EDA2R: variants seen among roughly 807,000 people sequenced by gnomAD.
EDA2R encodes the protein ectodysplasin A2 receptor.
In EDA2R, 26 loss-of-function variants were observed where a neutral mutation model predicts 20.1. That is an observed-to-expected ratio of 1.30 (90% CI 0.95 to 1.80). EDA2R has a LOEUF of 1.80. Ranked by LOEUF, EDA2R falls within the 40% of genes most tolerant of loss-of-function variation. The pLI, the probability that EDA2R is intolerant of heterozygous loss-of-function variation, is 0.00. For missense variants in EDA2R, 277 were observed against 228.7 expected, an observed-to-expected ratio of 1.21 and a Z score of -1.36; for synonymous variants, 114 against 88.7, an observed-to-expected ratio of 1.29 and a Z score of -1.60.
chrX:66,631,584 A>G (rs1174443883), intron 1 of EDA2R, among the ~76,000 whole-genome samples: 2 of 111,635 alleles, frequency 1.8e-5, no homozygotes, highest in East Asian at 5.6e-4. Flanking sequence ...GCAAAAAAGC[A>G]TTTTATTAAT....
At chrX:66,633,189 G>A (rs1934008392) in intron 1 of EDA2R, among the ~76,000 whole-genome samples, 1 of 112,236 alleles carries the variant, frequency 8.9e-6, no homozygotes, top group East Asian at 2.8e-4. Context: ...ACATGCGTAC[G>A]TGCACAAAGA....
At chrX:66,622,204 C>G (rs970014308) in intron 1 of EDA2R, among the ~76,000 whole-genome samples, 1 of 111,525 alleles carries the variant, frequency 9.0e-6, no homozygotes, top group African/African-American at 3.3e-5. Flanking sequence ...TGTCCTGATT[C>G]CTCAAAAAAT....
chrX:66,634,753 C>A (rs375279833), intron 1 of EDA2R, among the ~76,000 whole-genome samples: 2 of 111,326 alleles, frequency 1.8e-5, no homozygotes, highest in African/African-American at 6.5e-5. Context: ...TTCCCATATA[C>A]GAAGAAAGGA....
At chrX:66,599,951 G>A (rs759714282) in intron 5 of EDA2R, 91 bp from the exon 6 acceptor site, 12 of 1,138,457 alleles carry the variant, frequency 1.1e-5, no homozygotes, top group Non-Finnish European at 1.4e-5. Context: ...ACAGGTAAAG[G>A]TCTGGGAGCT....
At position 66,628,065 on chromosome X, in the gene EDA2R, T is replaced by C. The variant is rs143560000; in HGVS notation, c.-11+10930A>G. ...AAACCATGCAGATACATGGAAATTA[T>C]ATAACCTGCTCCTGAATGATCACTG... is the stretch of plus-strand genomic sequence containing the variant. On this transcript the variant is annotated intron_variant, in intron 1 of 6. Coordinates refer to ENST00000374719, the MANE Select transcript of EDA2R (RefSeq NM_021783.5). Among the ~76,000 whole-genome samples, 1,062 of 111,497 alleles carry C rather than the reference T, an allele frequency of 9.5e-3. 18 individuals carry two copies. The highest frequency in any genetic ancestry group is 0.053 in the Admixed American group (552 of 10,481).
intron 2 of EDA2R, among the ~76,000 whole-genome samples, chrX:66,614,033 AG>A (rs1388917010): frequency 1.8e-5 from 2 of 111,308 alleles, no homozygotes; most frequent in Non-Finnish European, 3.8e-5. Context: ...CTCATTGGCC[AG>A]ATACTTATTT....
At chrX:66,634,766 T>C (rs1033347357) in intron 1 of EDA2R, among the ~76,000 whole-genome samples, 5 of 111,437 alleles carry the variant, frequency 4.5e-5, no homozygotes, top group Non-Finnish European at 9.4e-5. Flanking sequence ...AGAAAGGAGT[T>C]GGCCCAGCTT....
chrX:66,621,174 G>A (rs1398537169), intron 1 of EDA2R, among the ~76,000 whole-genome samples: 2 of 110,761 alleles, frequency 1.8e-5, no homozygotes, highest in Non-Finnish European at 3.8e-5. Context: ...CTACTTGGGA[G>A]GCTGAGGCAG....
intron 1 of EDA2R, among the ~76,000 whole-genome samples, chrX:66,630,950 T>C (rs1464219282): frequency 4.5e-5 from 5 of 110,137 alleles, no homozygotes; most frequent in Non-Finnish European, 9.5e-5. Flanking sequence ...TATACACGTA[T>C]GTGTGTATAC....
At chrX:66,619,232 G>C (rs1233257825) in intron 1 of EDA2R, among the ~76,000 whole-genome samples, 3 of 111,610 alleles carry the variant, frequency 2.7e-5, no homozygotes, top group Non-Finnish European at 5.6e-5. Flanking sequence ...CCAGTGACCT[G>C]ATGCTTAAGG....
rs189021879 is a variant in EDA2R, at chrX:66,633,161, A to T, written c.-11+5834T>A. ...AAAGTAAATGCTAACCATATGAGTC[A>T]ATTGTTTTGCCTTCAAAACATGCGT... On this transcript the variant is annotated intron_variant, in intron 1 of 6. Coordinates refer to ENST00000374719, the MANE Select transcript of EDA2R (RefSeq NM_021783.5). Among the ~76,000 whole-genome samples, 11 of 112,584 alleles carry T rather than the reference A, an allele frequency of 9.8e-5. No individual in the cohort carries two copies. In the East Asian group the frequency reaches 3.1e-3, roughly 31 times the overall value.
intron 2 of EDA2R, among the ~76,000 whole-genome samples, chrX:66,608,630 C>T (rs1037051489): frequency 1.8e-5 from 2 of 111,691 alleles, no homozygotes; most frequent in Non-Finnish European, 3.8e-5. Flanking sequence ...TAAAACATCC[C>T]TAGACAAACA....
chrX:66,612,980 T>C (rs1039064228), intron 2 of EDA2R, among the ~76,000 whole-genome samples: 1 of 111,487 alleles, frequency 9.0e-6, no homozygotes, highest in Non-Finnish European at 1.9e-5. Context: ...GATTTTGCCA[T>C]GGTAGCACAA....
intron 4 of EDA2R, among the ~76,000 whole-genome samples, chrX:66,603,205 G>A (rs1436741674): frequency 9.0e-6 from 1 of 111,432 alleles, no homozygotes; most frequent in Non-Finnish European, 1.9e-5. Context: ...TCTAGAGGGG[G>A]AAAAAGGAAG....
intron 6 of EDA2R, 108 bp from the exon 7 acceptor site, chrX:66,598,201 A>G (rs1927801862): frequency 4.0e-6 from 1 of 247,731 alleles, no homozygotes; most frequent in Non-Finnish European, 7.4e-6. Flanking sequence ...TGAGGATGTA[A>G]TAGCAGAAAG....
intron 4 of EDA2R, 80 bp from the exon 5 acceptor site, chrX:66,602,877 G>A: frequency 1.1e-6 from 1 of 942,572 alleles, no homozygotes; most frequent in Non-Finnish European, 1.4e-6. Flanking sequence ...GACTTCCTCA[G>A]GCTGTCACCC....
intron 2 of EDA2R, among the ~76,000 whole-genome samples, chrX:66,607,667 T>C (rs1245889479): frequency 9.0e-6 from 1 of 111,314 alleles, no homozygotes. Context: ...ACAGATGGAC[T>C]ACTATAGCCT....
chrX:66,630,822 T>TACACACAC (rs768792873), intron 1 of EDA2R, among the ~76,000 whole-genome samples: 388 of 93,679 alleles, frequency 4.1e-3, no homozygotes, highest in African/African-American at 0.012. Context: ...TATATATATA[T>TACACACAC]ACACACACAC....
At chrX:66,606,705 C>G (rs1929747465) in intron 2 of EDA2R, among the ~76,000 whole-genome samples, 1 of 112,247 alleles carries the variant, frequency 8.9e-6, no homozygotes, top group African/African-American at 3.2e-5. Context: ...ATCCCTCACC[C>G]CAGAGCAGTG....
Sources: allele counts gnomAD v4.1 joint callset (sites outside exome capture counted in the v4.1 genomes callset), GRCh38; gene constraint gnomAD v4.1.1; transcripts MANE v1.5; gene names NCBI Gene and HGNC (gene_info 2026-07-23, HGNC 2026-07-21).